Variants in PROX1 observed in about 807,000 individuals in gnomAD.
The protein encoded by PROX1 is prospero homeobox protein 1.
A neutral mutation model predicts 58.8 loss-of-function variants in PROX1; 7 were observed. The ratio of observed to expected loss-of-function variants is 0.12; its 90% confidence interval spans 0.07 to 0.22. PROX1 has a LOEUF of 0.22. Among genes scored for constraint, PROX1 ranks in the 10% least tolerant of loss-of-function variants. PROX1 has a pLI of 1.00. For synonymous variants in PROX1, 350 were observed against 358.3 expected (o/e 0.98, Z 0.26); for missense variants, 675 against 927.8 (o/e 0.73, Z 3.54).
rs1476518916 is a variant in PROX1 at position 213,997,997 on chromosome 1, T to C, written c.1462T>C (p.Leu488=). Residue 488 remains leucine (L), a synonymous_variant, in exon 2 of 5, where the codon TTG becomes CTG. Transcript: ENST00000366958. The surrounding 1 kb of genome is among the most constrained non-coding windows in gnomAD (Gnocchi z 7.1). ...STFRHPFPLP[L]MAYPFQSPLG... Reference sequence around the variant, plus strand: ...CTTCCGCCACCCCTTCCCCCTTCCCTTGATGGCCTATCCATTTCAGAGCCC... The same window carrying C: ...CTTCCGCCACCCCTTCCCCCTTCCCCTGATGGCCTATCCATTTCAGAGCCC... 9 of 1,613,398 alleles carry C rather than the reference T, an allele frequency of 5.6e-6. No homozygotes were observed. The highest frequency in any genetic ancestry group is 1.7e-5 in the Admixed American group (1 of 59,976).
intron 4 of PROX1, 110 bp from the exon 5 acceptor site, chr1:214,035,539 T>A (rs1664799938): frequency 4.9e-6 from 5 of 1,029,888 alleles, no homozygotes; most frequent in Non-Finnish European, 6.9e-6. Context: ...AAAATGCAGG[T>A]GCCATGTAAG....
chr1:213,998,746 A>T (rs980349654), intron 2 of PROX1, among the ~76,000 whole-genome samples: 22 of 152,226 alleles, frequency 1.4e-4, no homozygotes, highest in African/African-American at 5.3e-4. Context: ...AACCATCTGC[A>T]AGGCTTCTGG....
intron 2 of PROX1, among the ~76,000 whole-genome samples, chr1:214,002,019 CA>C (rs1485007306): frequency 6.6e-6 from 1 of 152,120 alleles, no homozygotes; most frequent in Non-Finnish European, 1.5e-5. Context: ...AGAAACTTAG[CA>C]AATTAGGGAA....
intron 4 of PROX1, among the ~76,000 whole-genome samples, chr1:214,020,069 G>A (rs1194131098): frequency 6.6e-6 from 1 of 151,934 alleles, no homozygotes; most frequent in Non-Finnish European, 1.5e-5. Context: ...TGAATAGCTC[G>A]CCACCATGAA....
At chr1:214,014,503 C>T (rs1360265071) in intron 4 of PROX1, among the ~76,000 whole-genome samples, 1 of 152,184 alleles carries the variant, frequency 6.6e-6, no homozygotes, top group Non-Finnish European at 1.5e-5. Context: ...TCCCAGACTT[C>T]TCAATCAATT....
chr1:214,012,977 G>A (rs945930776), intron 4 of PROX1, among the ~76,000 whole-genome samples: 2 of 152,056 alleles, frequency 1.3e-5, no homozygotes, highest in Non-Finnish European at 2.9e-5. Flanking sequence ...ATGCAGACCA[G>A]TTATAGTGGC....
Position 213,997,345 on chromosome 1 carries a change from A to G in PROX1, c.810A>G (p.Glu270=). The G allele has an allele frequency of 1.2e-6, 2 of 1,614,118 alleles. No individual in the cohort carries two copies. The highest frequency in any genetic ancestry group is 1.3e-5 in the African/African-American group (1 of 75,032). The change falls in exon 2 of 5, where the codon GAA becomes GAG. Residue 270 remains glutamate, a synonymous_variant. Transcript: ENST00000366958. The surrounding 1 kb of genome is among the most constrained non-coding windows in gnomAD (Gnocchi z 7.1). The part of the protein sequence containing the change: ...IYDSTDSEND[E]DGNLSEDSMR... ...ACAGCACTGATTCGGAAAATGATGA[A>G]GATGGTAACCTGTCTGAAGACAGCA... is the stretch of plus-strand genomic sequence containing the variant.
intron 2 of PROX1, among the ~76,000 whole-genome samples, chr1:214,000,570 G>C (rs533718032): frequency 6.6e-6 from 1 of 152,254 alleles, no homozygotes; most frequent in South Asian, 2.1e-4. Context: ...TCGGCCTCTC[G>C]TGGCAATTAG....
At chr1:214,023,565 C>A (rs1571836177) in intron 4 of PROX1, among the ~76,000 whole-genome samples, 1 of 152,230 alleles carries the variant, frequency 6.6e-6, no homozygotes, top group Middle Eastern at 3.4e-3. Context: ...CCCTACTAAG[C>A]CTACTTGGTA....
At chr1:214,035,282 A>T (rs2102787258) in intron 4 of PROX1, among the ~76,000 whole-genome samples, 1 of 152,366 alleles carries the variant, frequency 6.6e-6, no homozygotes, top group South Asian at 2.1e-4. Context: ...AAAAAGAAAT[A>T]GGATTCAAAT....
chr1:214,025,266 C>T (rs762856436), intron 4 of PROX1, among the ~76,000 whole-genome samples: 2 of 152,084 alleles, frequency 1.3e-5, no homozygotes, highest in South Asian at 4.2e-4. Flanking sequence ...CCTTACAGGT[C>T]GAATTCAAGT....
Position 213,998,683 on chromosome 1 carries a change from A to T in PROX1, c.1725+423A>T, listed in dbSNP as rs185011818. 4.9e-3 allele frequency among the ~76,000 whole-genome samples: 745 copies of T among 152,348 alleles called. 2 individuals carry two copies. The highest frequency in any genetic ancestry group is 7.1e-3 in the Non-Finnish European group (484 of 68,028). On this transcript the variant is annotated intron_variant, in intron 2 of 4. Coordinates refer to ENST00000366958, the MANE Select transcript of PROX1 (RefSeq NM_001270616.2). ...AGATGGTAAGTTTAATAGAATAAGGAGAAAAGTCAGTTTTCAGATCCCTAA... is the reference window on the plus strand; with the variant it reads ...AGATGGTAAGTTTAATAGAATAAGGTGAAAAGTCAGTTTTCAGATCCCTAA...
intron 1 of PROX1, among the ~76,000 whole-genome samples, chr1:213,992,664 T>G (rs893659968): frequency 6.6e-6 from 1 of 152,106 alleles, no homozygotes; most frequent in African/African-American, 2.4e-5. Flanking sequence ...ACAGATCATC[T>G]AAATAATCCA....
At chr1:214,028,048 A>G (rs1003903915) in intron 4 of PROX1, among the ~76,000 whole-genome samples, 1 of 152,056 alleles carries the variant, frequency 6.6e-6, no homozygotes, top group Non-Finnish European at 1.5e-5. Flanking sequence ...CCCAAACTGC[A>G]TGGGTATTAG....
upstream of PROX1, chr1:213,986,505 A>AGG (rs1281122067): frequency 1.7e-5 from 2 of 120,488 alleles, no homozygotes; most frequent in Admixed American, 1.8e-4. Flanking sequence ...TTCCCTAGGA[A>AGG]GGAGTGTGTG....
chr1:214,016,391 A>G (rs1664095949), intron 4 of PROX1, among the ~76,000 whole-genome samples: 3 of 152,346 alleles, frequency 2.0e-5, no homozygotes, highest in African/African-American at 7.2e-5. Context: ...TGGATTTAGG[A>G]AGCGCTTCCC....
In PROX1 at chr1:214,040,894, G is replaced by A. The variant is rs2102800347; in HGVS notation, c.*5060G>A. 6.6e-6 allele frequency: 1 copy of A among 151,918 alleles called. No individual in the cohort carries two copies. Among genetic ancestry groups the A allele is most frequent in the Non-Finnish European group, 1.5e-5 (1 of 67,952 alleles). 9.4% of individuals were successfully genotyped at this position (151,918 alleles called of 1,614,324 possible). A position where few individuals can be genotyped will look rare whatever the true frequency, so the allele number is the denominator to read the frequency against. ...AAGGTGTACAATTTTGTATTACCAA[G>A]GATGTACTGTAATATTAATTGATAT... On this transcript the variant is annotated 3_prime_UTR_variant, in exon 5 of 5. Transcript: ENST00000366958.
chr1:214,002,405 C>CTTTTTTTTTTTTTTTTTTTTTTTT (rs1558173747), intron 2 of PROX1, among the ~76,000 whole-genome samples: 1 of 121,538 alleles, frequency 8.2e-6, no homozygotes, highest in African/African-American at 3.3e-5. Context: ...TTTTTTTTTT[C>CTTTTTTTTTTTTTTTTTTTTTTTT]TTTTTTCTTT....
intron 2 of PROX1, among the ~76,000 whole-genome samples, chr1:213,998,804 G>C (rs78267422): frequency 1.3e-5 from 2 of 152,170 alleles, no homozygotes; most frequent in African/African-American, 4.8e-5. Flanking sequence ...CGCTTTACAA[G>C]TGGGAGGTTG....
Sources: allele counts gnomAD v4.1 joint callset (sites outside exome capture counted in the v4.1 genomes callset), GRCh38; gene constraint gnomAD v4.1.1; non-coding constraint Gnocchi (gnomAD v3.1); transcripts MANE v1.5; gene names NCBI Gene and HGNC (gene_info 2026-07-23, HGNC 2026-07-21).